STK31: variants seen among roughly 807,000 people sequenced by gnomAD.
STK31 encodes the protein serine/threonine kinase 31, also known as serine/threonine-protein kinase 31.
STK31 carries 89 observed loss-of-function variants against 129.7 expected under a neutral mutation model. The ratio of observed to expected loss-of-function variants is 0.69; its 90% CI spans 0.58 to 0.82. The LOEUF (loss-of-function observed/expected upper bound fraction) is 0.82, where lower values mean the gene tolerates loss of function less well. Ranked by LOEUF, STK31 falls within the 40% of genes least tolerant of loss-of-function variation. STK31 has a pLI of 0.00. For missense variants in STK31, 1,187 were observed against 1,176.4 expected (o/e 1.01, Z -0.13); for synonymous variants, 448 against 395.3 (o/e 1.13, Z -1.58).
chr7:23,814,163 T>TTTTTTTTTTTTTTTTTG (rs1174158138), intron 22 of STK31, among the ~76,000 whole-genome samples: 7 of 148,872 alleles, frequency 4.7e-5, no homozygotes, highest in Non-Finnish European at 8.9e-5. Flanking sequence ...TTTTTTTTTT[T>TTTTTTTTTTTTTTTTTG]TCAGTTGGGA....
chr7:23,730,856 T>TTATATA lies in STK31; in HGVS notation c.483+1625_483+1630dup, dbSNP rs201160478. Among the ~76,000 whole-genome samples the TTATATA allele has an allele frequency of 4.0e-4, 30 of 75,232 alleles. 2 individuals carry two copies. Among genetic ancestry groups the TTATATA allele is most frequent in the African/African-American group, 1.2e-3 (24 of 19,938 alleles). The allele number at this position is 75,232 out of a possible 152,430, so 49.4% of individuals were successfully genotyped here. A position where few individuals can be genotyped will look rare whatever the true frequency, so the allele number is the denominator to read the frequency against. On this transcript the variant is annotated intron_variant, in intron 6 of 23. Coordinates refer to ENST00000355870, the MANE Select transcript of STK31 (RefSeq NM_031414.5). The stretch of plus-strand genomic sequence containing the variant: ...TATATATGGTACTGTATATAAACAT[T>TTATATA]TATATATATATATATATATATATTT...
intron 1 of STK31, chr7:23,710,576 C>G (rs1406837725): frequency 7.3e-7 from 1 of 1,375,906 alleles, no homozygotes; most frequent in Non-Finnish European, 9.4e-7. Context: ...CGCGGTCACG[C>G]AGCCTCCACA....
At chr7:23,784,008 T>C (rs547646450) in intron 17 of STK31, among the ~76,000 whole-genome samples, 27 of 152,244 alleles carry the variant, frequency 1.8e-4, no homozygotes, top group African/African-American at 6.3e-4. Flanking sequence ...TTGCTAGCCC[T>C]GAGGGATTTG....
At chr7:23,805,851 G>A (rs1792675618) in intron 22 of STK31, among the ~76,000 whole-genome samples, 3 of 152,202 alleles carry the variant, frequency 2.0e-5, no homozygotes, top group Admixed American at 2.0e-4. Flanking sequence ...CTCCCTTGGT[G>A]AGAGCACATA....
intron 4 of STK31, chr7:23,721,219 G>T: frequency 2.7e-6 from 1 of 376,278 alleles, no homozygotes; most frequent in South Asian, 5.5e-5. Context: ...TCTGATGAAA[G>T]AAATAATTCT....
rs145862391 is a variant in STK31 at position 23,744,719 on chromosome 7, T to C, written c.1017+7641T>C. ...GATTCCTTTGGATGTGAATAGTCAGTGGCGTTTGTGATTTCCTCAATGGCT... is the reference window on the plus strand; with the variant it reads ...GATTCCTTTGGATGTGAATAGTCAGCGGCGTTTGTGATTTCCTCAATGGCT... On this transcript the variant is annotated intron_variant, in intron 8 of 23. Transcript: ENST00000355870. 2.6e-5 allele frequency among the ~76,000 whole-genome samples: 4 copies of C among 152,312 alleles called. No homozygotes were observed. In the East Asian group the frequency reaches 7.7e-4, roughly 29 times the overall value.
At chr7:23,782,280 T>C (rs1449152661) in intron 16 of STK31, among the ~76,000 whole-genome samples, 1 of 151,718 alleles carries the variant, frequency 6.6e-6, no homozygotes, top group Non-Finnish European at 1.5e-5. Flanking sequence ...TGAGACCAGC[T>C]TGGGCACATG....
At chr7:23,799,502 C>T (rs1792228103) in intron 22 of STK31, among the ~76,000 whole-genome samples, 1 of 152,110 alleles carries the variant, frequency 6.6e-6, no homozygotes, top group African/African-American at 2.4e-5. Flanking sequence ...GGAAAGGATT[C>T]CCTATTTAAT....
chr7:23,768,867 T>A, intron 11 of STK31, 128 bp from the exon 12 acceptor site: 1 of 766,642 alleles, frequency 1.3e-6, no homozygotes. Flanking sequence ...TGATTCTAAG[T>A]TGTATTTATG....
intron 23 of STK31, among the ~76,000 whole-genome samples, chr7:23,824,187 G>C (rs1487365805): frequency 6.6e-6 from 1 of 152,116 alleles, no homozygotes; most frequent in Non-Finnish European, 1.5e-5. Flanking sequence ...ATTACCTTGG[G>C]CAGTATGGCC....
chr7:23,714,975 T>C (rs1786211636), intron 3 of STK31, among the ~76,000 whole-genome samples: 1 of 152,230 alleles, frequency 6.6e-6, no homozygotes, highest in South Asian at 2.1e-4. Flanking sequence ...ACCTCTGAGT[T>C]AAACCATGAA....
chr7:23,826,784 G>A (rs561086627), intron 23 of STK31, among the ~76,000 whole-genome samples: 1 of 152,150 alleles, frequency 6.6e-6, no homozygotes, highest in African/African-American at 2.4e-5. Flanking sequence ...TTTAGGGCAG[G>A]TCTGGTGGTG....
intron 13 of STK31, among the ~76,000 whole-genome samples, chr7:23,770,068 G>A (rs1169711462): frequency 5.3e-5 from 8 of 152,248 alleles, no homozygotes; most frequent in East Asian, 3.9e-4. Flanking sequence ...TCTTGAATGC[G>A]TCATACCAAA....
At chr7:23,772,316 A>G (rs756031296) in intron 15 of STK31, 38 bp downstream of exon 15, 2 of 1,584,832 alleles carry the variant, frequency 1.3e-6, no homozygotes, top group Non-Finnish European at 1.7e-6. Flanking sequence ...CTTTATGTGC[A>G]TCTCATTTTA....
At chr7:23,763,177 G>A (rs144521803) in intron 11 of STK31, among the ~76,000 whole-genome samples, 4 of 152,144 alleles carry the variant, frequency 2.6e-5, no homozygotes. Context: ...GAAATTAATG[G>A]AGACAGGAGC....
intron 23 of STK31, among the ~76,000 whole-genome samples, chr7:23,830,073 C>T (rs61169938): frequency 0.021 from 3,187 of 152,024 alleles, 137 homozygotes; most frequent in African/African-American, 0.072. Context: ...CCTCAGCCTT[C>T]CACGTAGCTG....
chr7:23,814,789 A>G (rs1391704722), intron 22 of STK31, among the ~76,000 whole-genome samples: 1 of 152,054 alleles, frequency 6.6e-6, no homozygotes, highest in African/African-American at 2.4e-5. Context: ...CAAAGTTTAG[A>G]TATTATGGTA....
chr7:23,746,413 A>G (rs1421714671), intron 8 of STK31, among the ~76,000 whole-genome samples: 1 of 151,788 alleles, frequency 6.6e-6, no homozygotes, highest in African/African-American at 2.4e-5. Flanking sequence ...TCCTTCCTTT[A>G]TGTGTTTCCT....
At chr7:23,795,372 A>G (rs1329538002) in intron 22 of STK31, among the ~76,000 whole-genome samples, 2 of 152,222 alleles carry the variant, frequency 1.3e-5, no homozygotes, top group East Asian at 1.9e-4. Flanking sequence ...TGGTTTGGGA[A>G]CTTCCACCTA....
Sources: allele counts gnomAD v4.1 joint callset (sites outside exome capture counted in the v4.1 genomes callset), GRCh38; gene constraint gnomAD v4.1.1; transcripts MANE v1.5; gene names NCBI Gene and HGNC (gene_info 2026-07-23, HGNC 2026-07-21).